The following RAB28 variants were observed in gnomAD, a reference collection of about 807,000 sequenced individuals.
RAB28 encodes ras-related protein Rab-28.
In RAB28, 24 loss-of-function variants were observed where a neutral mutation model predicts 31.7. The observed-to-expected ratio is 0.76, with a 90% CI of 0.55 to 1.06. The LOEUF is 1.06. Among genes scored for constraint, RAB28 ranks in the 50% least tolerant of loss-of-function variants. The probability of loss-of-function intolerance (pLI) is 0.00; values close to 1 mark genes in which losing one functional copy is unlikely to be tolerated. For missense variants in RAB28, 254 were observed against 258.5 expected, an observed-to-expected ratio of 0.98 and a Z score of 0.12; for synonymous variants, 100 against 90.4, an observed-to-expected ratio of 1.11 and a Z score of -0.60.
At chr4:13,418,502 AG>A (rs1712928567) in intron 4 of RAB28, among the ~76,000 whole-genome samples, 3 of 152,216 alleles carry the variant, frequency 2.0e-5, no homozygotes, top group African/African-American at 7.2e-5. Flanking sequence ...GCAGCCAGAG[AG>A]AAAAGTCGGG....
intron 4 of RAB28, among the ~76,000 whole-genome samples, chr4:13,394,415 A>C (rs554777334): frequency 6.6e-6 from 1 of 152,282 alleles, no homozygotes; most frequent in African/African-American, 2.4e-5. Flanking sequence ...TGAGAATCTA[A>C]TGCTGCTGCT....
At chr4:13,398,047 A>T (rs770060752) in intron 4 of RAB28, among the ~76,000 whole-genome samples, 1 of 152,060 alleles carries the variant, frequency 6.6e-6, no homozygotes, top group Non-Finnish European at 1.5e-5. Flanking sequence ...CAATTTCATC[A>T]ATTAGGTTAC....
intron 4 of RAB28, among the ~76,000 whole-genome samples, chr4:13,407,124 G>A (rs932108541): frequency 6.6e-6 from 1 of 152,136 alleles, no homozygotes; most frequent in East Asian, 1.9e-4. Flanking sequence ...TTCTTCTAGG[G>A]TATTTATGGT....
intron 4 of RAB28, among the ~76,000 whole-genome samples, chr4:13,444,017 CCT>C (rs1491412153): frequency 2.5e-4 from 38 of 151,150 alleles, no homozygotes; most frequent in African/African-American, 8.2e-4. Flanking sequence ...GACAGGATTT[CCT>C]TTTTTTTTTT....
intron 3 of RAB28, among the ~76,000 whole-genome samples, chr4:13,471,265 T>A (rs990205741): frequency 6.6e-6 from 1 of 152,098 alleles, no homozygotes; most frequent in African/African-American, 2.4e-5. Context: ...TATATGATTA[T>A]ATAAAGATAT....
chr4:13,435,017 CAAAAAAAA>C (rs991889676), intron 4 of RAB28, among the ~76,000 whole-genome samples: 2 of 47,046 alleles, frequency 4.3e-5, no homozygotes, highest in African/African-American at 7.2e-5. Context: ...GACTCCGTCT[CAAAAAAAA>C]AAAAAAAAAA....
chr4:13,416,464 G>T (rs1283572924), intron 4 of RAB28, among the ~76,000 whole-genome samples: 1 of 152,186 alleles, frequency 6.6e-6, no homozygotes, highest in East Asian at 1.9e-4. Context: ...GTGAGACCAA[G>T]AACCCACCAA....
intron 4 of RAB28, among the ~76,000 whole-genome samples, chr4:13,408,072 G>T (rs990372042): frequency 1.3e-5 from 2 of 152,192 alleles, no homozygotes; most frequent in Non-Finnish European, 2.9e-5. Flanking sequence ...GGTGAGAGAG[G>T]AATCCTTGTC....
chr4:13,407,815 TTGTC>T (rs1712191421), intron 4 of RAB28, among the ~76,000 whole-genome samples: 1 of 152,166 alleles, frequency 6.6e-6, no homozygotes, highest in South Asian at 2.1e-4. Context: ...GGCTCTCTGT[TTGTC>T]TATTATTGGC....
At chr4:13,414,093 TG>T (rs1712610722) in intron 4 of RAB28, among the ~76,000 whole-genome samples, 3 of 152,230 alleles carry the variant, frequency 2.0e-5, no homozygotes, top group African/African-American at 7.2e-5. Flanking sequence ...CCCCTCCAAA[TG>T]ACAAGCCACG....
chr4:13,452,022 G>C (rs1468511638), intron 4 of RAB28, among the ~76,000 whole-genome samples: 1 of 151,868 alleles, frequency 6.6e-6, no homozygotes, highest in Non-Finnish European at 1.5e-5. Context: ...TTAGCAGTCA[G>C]ATCTTCAGCT....
At chr4:13,460,883 T>G (rs1715557526) in intron 3 of RAB28, 55 bp from the exon 4 acceptor site, 2 of 1,522,308 alleles carry the variant, frequency 1.3e-6, no homozygotes, top group Admixed American at 3.7e-5. Flanking sequence ...GAAAAAATCT[T>G]AATGAATACT....
chr4:13,480,655 G>A (rs1032816435), intron 1 of RAB28, among the ~76,000 whole-genome samples: 2 of 151,754 alleles, frequency 1.3e-5, no homozygotes, highest in Non-Finnish European at 3.0e-5. Flanking sequence ...ATGGCAATTT[G>A]GACACCATAA....
At chr4:13,405,070 T>A (rs1040534120) in intron 4 of RAB28, among the ~76,000 whole-genome samples, 18 of 152,276 alleles carry the variant, frequency 1.2e-4, no homozygotes, top group Admixed American at 1.2e-3. Context: ...TACCTCTGTC[T>A]CCTAACGAGA....
chr4:13,437,836 C>T (rs769852741), intron 4 of RAB28, among the ~76,000 whole-genome samples: 1 of 152,000 alleles, frequency 6.6e-6, no homozygotes, highest in Non-Finnish European at 1.5e-5. Context: ...ACCCAGCAAT[C>T]CCACTACTGA....
At chr4:13,457,859 C>T (rs1386465511) in intron 4 of RAB28, among the ~76,000 whole-genome samples, 2 of 152,042 alleles carry the variant, frequency 1.3e-5, no homozygotes, top group Non-Finnish European at 2.9e-5. Flanking sequence ...ACACATTATC[C>T]CTAGTGGTAG....
At chr4:13,476,909 A>G (rs536309084) in intron 2 of RAB28, among the ~76,000 whole-genome samples, 1 of 151,572 alleles carries the variant, frequency 6.6e-6, no homozygotes, top group African/African-American at 2.4e-5. Flanking sequence ...AAACACAGGT[A>G]AGTTGCTTTT....
intron 4 of RAB28, among the ~76,000 whole-genome samples, chr4:13,403,196 T>C (rs1244950823): frequency 6.6e-6 from 1 of 152,218 alleles, no homozygotes; most frequent in Non-Finnish European, 1.5e-5. Context: ...TCTATTCCTA[T>C]AAAACTATTT....
At chr4:13,385,632 C>T (rs1264142953) in intron 4 of RAB28, among the ~76,000 whole-genome samples, 1 of 152,104 alleles carries the variant, frequency 6.6e-6, no homozygotes, top group Admixed American at 6.5e-5. Context: ...CAAGCAAATG[C>T]TCAGGGAATT....
Sources: allele counts gnomAD v4.1 joint callset (sites outside exome capture counted in the v4.1 genomes callset), GRCh38; gene constraint gnomAD v4.1.1; transcripts MANE v1.5; gene names NCBI Gene and HGNC (gene_info 2026-07-23, HGNC 2026-07-21).